ZNF165: variants seen among roughly 807,000 people sequenced by gnomAD.
ZNF165 encodes cancer/testis antigen 53.
In ZNF165, 14 loss-of-function variants were observed where a neutral mutation model predicts 19.6. The observed-to-expected ratio is 0.71, with a 90% CI of 0.47 to 1.12. The LOEUF (loss-of-function observed/expected upper bound fraction) is 1.12, where lower values mean the gene tolerates loss of function less well. ZNF165 is among the 50% of genes most tolerant of loss of function. ZNF165 has a pLI of 0.00. For missense variants in ZNF165, 504 were observed against 566.3 expected (o/e 0.89, Z 1.12); for synonymous variants, 165 against 195.0 (o/e 0.85, Z 1.28).
intron 1 of ZNF165, among the ~76,000 whole-genome samples, chr6:28,084,515 C>G (rs184256565): frequency 1.4e-4 from 22 of 152,150 alleles, no homozygotes; most frequent in Non-Finnish European, 2.9e-5. Context: ...AAAAATTAGC[C>G]AGGTGTGGCG....
chr6:28,084,835 A>G (rs1259404014), intron 1 of ZNF165, among the ~76,000 whole-genome samples: 1 of 152,210 alleles, frequency 6.6e-6, no homozygotes, highest in East Asian at 1.9e-4. Context: ...GATAAACTCC[A>G]AATTCATGAA....
chr6:28,088,239 A>G (rs1581484682), intron 3 of ZNF165, among the ~76,000 whole-genome samples: 1 of 152,228 alleles, frequency 6.6e-6, no homozygotes, highest in Non-Finnish European at 1.5e-5. Flanking sequence ...GGTTCCCAAG[A>G]TCTGCTGCAG....
At chr6:28,083,286 CA>C (rs1347072384) in intron 1 of ZNF165, among the ~76,000 whole-genome samples, 1 of 152,180 alleles carries the variant, frequency 6.6e-6, no homozygotes, top group Non-Finnish European at 1.5e-5. Context: ...TTCAAAGAAT[CA>C]GTATGTCAGT....
At position 28,088,878 on chromosome 6, in the gene ZNF165, A is replaced by G; in HGVS notation, c.866A>G (p.Gln289Arg). The change falls in exon 4 of 4, where the codon CAG (glutamine) becomes CGG (arginine). Residue 289 changes from glutamine (Q) to arginine (R), a missense_variant. Gln to Arg is a conservative substitution (Grantham distance 43). Transcript: ENST00000683778. ...LNLNSNEFTH[Q>R]KSCKHGTCDQ... ...CTGAACTCAAATGAATTCACACACC[A>G]GAAATCTTGTAAACATGGTACCTGT... 3 of 1,614,224 alleles carry G rather than the reference A, an allele frequency of 1.9e-6. No homozygotes were observed. The highest frequency in any genetic ancestry group is 1.7e-6 in the Non-Finnish European group (2 of 1,180,034).
In ZNF165 at chr6:28,088,806, T is replaced by C. The variant is rs1263526699; in HGVS notation, c.794T>C (p.Val265Ala). The change falls in exon 4 of 4, where the codon GTC becomes GCC. Residue 265 changes from valine to alanine, a missense_variant. Physicochemically the swap from Val to Ala is moderately conservative, Grantham distance 64. Transcript: ENST00000683778. The stretch of plus-strand genomic sequence containing the variant: ...AAAATCCTCACCCACAAAAATACAG[T>C]CAGAGGTGAAATAATAAGCCACGAT... The part of the protein sequence containing the change: ...FGKILTHKNT[V>A]RGEIISHDGC... 2 of 1,613,918 alleles carry C rather than the reference T, an allele frequency of 1.2e-6. No homozygotes were observed. Among genetic ancestry groups the C allele is most frequent in the African/African-American group, 1.3e-5 (1 of 74,864 alleles).
At position 28,089,127 on chromosome 6, in the gene ZNF165, ATGAAT is replaced by A. The variant is rs766272957; in HGVS notation, c.1116_1120del (p.Tyr372Ter). ...AGAATCCACACTGGAGAGAGATGCT[ATGAAT>A]GTAATGAATGTGGGAAAAGCTTTGC... On this transcript the variant is annotated stop_gained and frameshift_variant, in exon 4 of 4. Transcript: ENST00000683778. LOFTEE classifies it low-confidence loss of function (END_TRUNC). 13 of 1,614,096 alleles carry A rather than the reference ATGAAT, an allele frequency of 8.1e-6. 1 individual carries two copies. Among genetic ancestry groups the A allele is most frequent in the African/African-American group, 1.3e-5 (1 of 74,940 alleles).
chr6:28,089,212 T>A lies in ZNF165; in HGVS notation c.1200T>A (p.Phe400Leu), dbSNP rs769977223. The A allele has an allele frequency of 3.1e-6, 5 of 1,614,104 alleles. No individual in the cohort carries two copies. The highest frequency in any genetic ancestry group is 4.5e-5 in the East Asian group (2 of 44,882). Residue 400 changes from phenylalanine to leucine, a missense_variant, in exon 4 of 4, where the codon TTT becomes TTA. Transcript: ENST00000683778. ...HRRIHTGERP[F>L]GCKECGRAFN... The stretch of plus-strand genomic sequence containing the variant: ...GAATTCACACTGGGGAAAGACCCTT[T>A]GGTTGCAAAGAATGTGGGAGAGCAT...
At chr6:28,087,356 C>T (rs959799767) in intron 3 of ZNF165, among the ~76,000 whole-genome samples, 1 of 152,154 alleles carries the variant, frequency 6.6e-6, no homozygotes, top group African/African-American at 2.4e-5. Flanking sequence ...AGCAATTATC[C>T]TGCCTCAGCC....
chr6:28,085,786 A>G lies in ZNF165; in HGVS notation c.306A>G (p.Pro102=), dbSNP rs1330085143. ...TAGAGCAGTTCCTGACCATCCTGCC[A>G]GGAGATTTGCAGGCCTGGGTACATG... ...LVLEQFLTIL[P]GDLQAWVHEH... Residue 102 remains proline, a synonymous_variant, in exon 2 of 4, where the codon CCA becomes CCG. Transcript: ENST00000683778. The G allele has an allele frequency of 1.9e-6, 3 of 1,613,798 alleles. No individual in the cohort carries two copies. Among genetic ancestry groups the G allele is most frequent in the Non-Finnish European group, 2.5e-6 (3 of 1,180,030 alleles).
chr6:28,087,668 T>G (rs989777784), intron 3 of ZNF165, among the ~76,000 whole-genome samples: 1 of 152,222 alleles, frequency 6.6e-6, no homozygotes, highest in Non-Finnish European at 1.5e-5. Flanking sequence ...TAACCCTCTT[T>G]CCTGCCCTAG....
Position 28,085,502 on chromosome 6 carries a change from G to C in ZNF165, c.22G>C (p.Ala8Pro), listed in dbSNP as rs780396511. Reference protein sequence around the residue: MATEPKKAAAQNSPEDEG... With the variant: MATEPKKPAAQNSPEDEG... ...ACAGATGGCTACAGAACCAAAGAAA[G>C]CTGCAGCCCAGAACTCTCCAGAGGA... Residue 8 changes from alanine (A) to proline (P), a missense_variant, in exon 2 of 4, where the codon GCT (alanine) becomes CCT (proline). Ala to Pro is a conservative substitution (Grantham distance 27, BLOSUM62 -1). Coordinates refer to ENST00000683778, the MANE Select transcript of ZNF165 (RefSeq NM_001376491.1). 8.7e-6 allele frequency: 14 copies of C among 1,611,766 alleles called. No homozygotes were observed. Among genetic ancestry groups the C allele is most frequent in the Non-Finnish European group, 9.3e-6 (11 of 1,179,554 alleles).
chr6:28,082,661 G>A (rs1770133), intron 1 of ZNF165, among the ~76,000 whole-genome samples: 10,313 of 152,244 alleles, frequency 0.068, 382 homozygotes, highest in South Asian at 0.12. Flanking sequence ...ACCTTCCAGC[G>A]TGGGCGTCAA....
In ZNF165 at chr6:28,085,814, C is replaced by G. The variant is rs1367881863; in HGVS notation, c.334C>G (p.His112Asp). The G allele has an allele frequency of 1.2e-6, 2 of 1,613,786 alleles. No individual in the cohort carries two copies. The highest frequency in any genetic ancestry group is 2.2e-5 in the South Asian group (2 of 91,064). The change falls in exon 2 of 4, where the codon CAT (histidine) becomes GAT (aspartate). Residue 112 changes from histidine to aspartate, a missense_variant. By Grantham distance (81) the His-to-Asp change is moderately conservative (BLOSUM62 -1). Coordinates refer to ENST00000683778, the MANE Select transcript of ZNF165 (RefSeq NM_001376491.1). ...AGATTTGCAGGCCTGGGTACATGAA[C>G]ATTACCCAGAGAGTGGAGAGGAGGC... is the stretch of plus-strand genomic sequence containing the variant. ...PGDLQAWVHE[H>D]YPESGEEAVT...
chr6:28,080,543 A>ATTTTTTTTTTTTTTT (rs34237199), upstream of ZNF165: 1 of 111,894 alleles, frequency 8.9e-6, no homozygotes, highest in Non-Finnish European at 1.8e-5. Context: ...ACGCCCGGCA[A>ATTTTTTTTTTTTTTT]TTTTTTTTTT....
Position 28,086,174 on chromosome 6 carries a change from T to C in ZNF165, c.414T>C (p.Val138=). The C allele has an allele frequency of 6.2e-7, 1 of 1,613,464 alleles. No homozygotes were observed. The highest frequency in any genetic ancestry group is 8.5e-7 in the Non-Finnish European group (1 of 1,179,740). Residue 138 remains valine (V), a splice_region_variant and synonymous_variant, in exon 3 of 4, where the codon GTT becomes GTC. Coordinates refer to ENST00000683778, the MANE Select transcript of ZNF165 (RefSeq NM_001376491.1). ...ERGTDEAVLQ[V]QAHEHGQEIF... is the part of the protein sequence containing the mutation. ...CAAATGTACTTTATTTTTCTCAGGT[T>C]CAAGCCCATGAACATGGACAAGAAA... is the stretch of plus-strand genomic sequence containing the variant.
Position 28,089,212 on chromosome 6 carries a change from T to C in ZNF165, c.1200T>C (p.Phe400=), listed in dbSNP as rs769977223. ...HRRIHTGERP[F]GCKECGRAFN... ...GAATTCACACTGGGGAAAGACCCTT[T>C]GGTTGCAAAGAATGTGGGAGAGCAT... The change falls in exon 4 of 4, where the codon TTT becomes TTC. Residue 400 remains phenylalanine (F), a synonymous_variant. Transcript: ENST00000683778. 1 of 1,614,104 alleles carries C rather than the reference T, an allele frequency of 6.2e-7. No homozygotes were observed. The highest frequency in any genetic ancestry group is 8.5e-7 in the Non-Finnish European group (1 of 1,180,044).
chr6:28,085,898 A>C lies in ZNF165; in HGVS notation c.411+7A>C. 1 of 1,604,908 alleles carries C rather than the reference A, an allele frequency of 6.2e-7. No individual in the cohort carries two copies. The highest frequency in any genetic ancestry group is 8.5e-7 in the Non-Finnish European group (1 of 1,179,390). On this transcript the variant is annotated splice_region_variant and intron_variant, in intron 2 of 3. Transcript: ENST00000683778. ...TGATGAAGCAGTACTCCAGGTGCAC[A>C]GGGGATGGGAGATCTAAGACCTCCA...
chr6:28,083,305 G>T (rs1347971098), intron 1 of ZNF165, among the ~76,000 whole-genome samples: 2 of 152,150 alleles, frequency 1.3e-5, no homozygotes, highest in African/African-American at 4.8e-5. Flanking sequence ...AGTATGTTCA[G>T]TTCTTTGTTC....
chr6:28,088,673 G>A lies in ZNF165; in HGVS notation c.661G>A (p.Gly221Ser), dbSNP rs774258031. The change falls in exon 4 of 4, where the codon GGT becomes AGT. Residue 221 changes from glycine (G) to serine (S), a missense_variant. Coordinates refer to ENST00000683778, the MANE Select transcript of ZNF165 (RefSeq NM_001376491.1). The part of the protein sequence containing the change: ...RISGYISEAS[G>S]ESQDICKSAG... ...CTCAGGATACATATCAGAAGCATCT[G>A]GTGAGTCTCAAGACATCTGTAAGTC... The A allele has an allele frequency of 6.2e-7, 1 of 1,614,100 alleles. No individual in the cohort carries two copies. Among genetic ancestry groups the A allele is most frequent in the Non-Finnish European group, 8.5e-7 (1 of 1,180,006 alleles).
Sources: allele counts gnomAD v4.1 joint callset (sites outside exome capture counted in the v4.1 genomes callset), GRCh38; gene constraint gnomAD v4.1.1; transcripts MANE v1.5; gene names NCBI Gene and HGNC (gene_info 2026-07-23, HGNC 2026-07-21).